Variants in CCDC126 observed in about 807,000 individuals in gnomAD.
CCDC126 encodes coiled-coil domain-containing protein 126.
CCDC126 carries 5 observed loss-of-function variants against 11.7 expected under a neutral mutation model. The observed-to-expected ratio is 0.43, with a 90% CI of 0.22 to 0.90. The LOEUF (loss-of-function observed/expected upper bound fraction) is 0.90, where lower values mean the gene tolerates loss of function less well. Ranked by LOEUF, CCDC126 falls within the 40% of genes least tolerant of loss-of-function variation. CCDC126 has a pLI of 0.27. For synonymous variants in CCDC126, 60 were observed against 61.9 expected (o/e 0.97, Z 0.14); for missense variants, 150 against 163.1 (o/e 0.92, Z 0.44).
At chr7:23,606,503 G>A (rs545786812) in intron 2 of CCDC126, among the ~76,000 whole-genome samples, 2 of 152,302 alleles carry the variant, frequency 1.3e-5, no homozygotes, top group African/African-American at 4.8e-5. Flanking sequence ...GGGTTGGAGA[G>A]GAGTCTGGCA....
chr7:23,599,883 C>T (rs1057494914), intron 2 of CCDC126, among the ~76,000 whole-genome samples: 3 of 152,162 alleles, frequency 2.0e-5, no homozygotes, highest in South Asian at 2.1e-4. Context: ...CTCCCAGGTT[C>T]AAGCGATTCT....
intron 3 of CCDC126, among the ~76,000 whole-genome samples, chr7:23,613,450 T>C (rs927514254): frequency 5.3e-5 from 8 of 152,216 alleles, no homozygotes; most frequent in Non-Finnish European, 7.3e-5. Context: ...TTAAATTCTT[T>C]CATCTCATTT....
intron 3 of CCDC126, among the ~76,000 whole-genome samples, chr7:23,612,163 A>C (rs1025898325): frequency 1.3e-5 from 2 of 151,554 alleles, no homozygotes; most frequent in African/African-American, 4.9e-5. Flanking sequence ...AAAAAAAAAA[A>C]AATGTATCTT....
chr7:23,621,357 C>T (rs1562494447), intron 3 of CCDC126, among the ~76,000 whole-genome samples: 1 of 152,132 alleles, frequency 6.6e-6, no homozygotes, highest in Non-Finnish European at 1.5e-5. Flanking sequence ...AATGGGAGTT[C>T]ACTCATGATT....
At chr7:23,626,684 T>C (rs1308976868) in intron 3 of CCDC126, among the ~76,000 whole-genome samples, 1 of 152,112 alleles carries the variant, frequency 6.6e-6, no homozygotes, top group Non-Finnish European at 1.5e-5. Context: ...GTAGACCCAG[T>C]GTCTGTTGTT....
chr7:23,636,814 A>G, intron 3 of CCDC126, among the ~76,000 whole-genome samples: 1 of 110,624 alleles, frequency 9.0e-6, no homozygotes, highest in Non-Finnish European at 1.8e-5. Context: ...CCCGTCCGGG[A>G]GGTGAGGGGC....
chr7:23,638,926 A>G (rs1309827013), intron 3 of CCDC126, among the ~76,000 whole-genome samples: 1 of 148,680 alleles, frequency 6.7e-6, no homozygotes, highest in African/African-American at 2.4e-5. Context: ...TTCTTTTAAT[A>G]TTATAAAGGA....
chr7:23,621,498 C>T (rs1782896552), intron 3 of CCDC126, among the ~76,000 whole-genome samples: 2 of 152,164 alleles, frequency 1.3e-5, no homozygotes, highest in Non-Finnish European at 2.9e-5. Context: ...ATGGGGTTTT[C>T]TAGATATACA....
At chr7:23,608,533 G>A (rs1323029169) in intron 2 of CCDC126, among the ~76,000 whole-genome samples, 1 of 152,068 alleles carries the variant, frequency 6.6e-6, no homozygotes, top group Non-Finnish European at 1.5e-5. Context: ...TATATTTTAT[G>A]TGTGGTCAGA....
intron 2 of CCDC126, among the ~76,000 whole-genome samples, chr7:23,605,257 G>A (rs188436251): frequency 2.6e-5 from 4 of 152,156 alleles, no homozygotes; most frequent in Non-Finnish European, 5.9e-5. Flanking sequence ...TATGAGATTA[G>A]GACAAAGAGA....
intron 3 of CCDC126, 95 bp downstream of exon 3, chr7:23,611,648 A>G: frequency 1.2e-6 from 1 of 817,400 alleles, no homozygotes; most frequent in African/African-American, 1.7e-5. Context: ...AGGTCTTTGC[A>G]AAGTAATTTT....
intron 2 of CCDC126, among the ~76,000 whole-genome samples, chr7:23,607,193 G>A (rs1453412526): frequency 1.3e-5 from 2 of 152,132 alleles, no homozygotes; most frequent in African/African-American, 4.8e-5. Flanking sequence ...AATTAATATA[G>A]TGGCCTAGAA....
At chr7:23,600,374 ACC>A (rs35190673) in intron 2 of CCDC126, among the ~76,000 whole-genome samples, 1,779 of 80,592 alleles carry the variant, frequency 0.022, 44 homozygotes, top group African/African-American at 0.074. Context: ...TTCTGTGTTA[ACC>A]CCCCCCCCCC....
At chr7:23,625,795 A>G (rs1039607584) in intron 3 of CCDC126, among the ~76,000 whole-genome samples, 1 of 151,344 alleles carries the variant, frequency 6.6e-6, no homozygotes, top group Admixed American at 6.6e-5. Flanking sequence ...AGCTGGGACT[A>G]CAGGCGCCCG....
intron 3 of CCDC126, among the ~76,000 whole-genome samples, chr7:23,618,346 C>T (rs562301811): frequency 1.3e-5 from 2 of 152,244 alleles, no homozygotes; most frequent in African/African-American, 4.8e-5. Flanking sequence ...ACATGGCCAG[C>T]TCCCCAACCC....
At chr7:23,620,179 C>T (rs959815464) in intron 3 of CCDC126, among the ~76,000 whole-genome samples, 1 of 152,162 alleles carries the variant, frequency 6.6e-6, no homozygotes, top group Non-Finnish European at 1.5e-5. Context: ...AATGGTTGAA[C>T]TAGTTTACAG....
chr7:23,638,727 T>TAAAAAAAAAAAAAAAAAAG (rs1783291920), intron 3 of CCDC126, among the ~76,000 whole-genome samples: 1 of 89,670 alleles, frequency 1.1e-5, no homozygotes, highest in African/African-American at 4.0e-5. Context: ...AAAAAAAAAT[T>TAAAAAAAAAAAAAAAAAAG]AAAAAAAAAA....
chr7:23,597,741 C>G (rs1403205583), intron 1 of CCDC126, 136 bp downstream of exon 1: 3 of 152,342 alleles, frequency 2.0e-5, no homozygotes, highest in Non-Finnish European at 4.4e-5. Context: ...GGAAACCCGG[C>G]TTAGGAACGG....
chr7:23,601,055 TA>T (rs578161504), intron 2 of CCDC126, among the ~76,000 whole-genome samples: 2,626 of 133,690 alleles, frequency 0.02, 81 homozygotes, highest in Admixed American at 0.099. Flanking sequence ...TATCAATAAT[TA>T]AAAAAAAAAA....
Sources: allele counts gnomAD v4.1 joint callset (sites outside exome capture counted in the v4.1 genomes callset), GRCh38; gene constraint gnomAD v4.1.1; transcripts MANE v1.5; gene names NCBI Gene and HGNC (gene_info 2026-07-23, HGNC 2026-07-21).